Variants in EBF4 observed in about 807,000 individuals in gnomAD.
The protein encoded by EBF4 is transcription factor COE4.
A neutral mutation model predicts 67.1 loss-of-function variants in EBF4; 34 were observed. That is an observed-to-expected ratio of 0.51 (90% CI 0.39 to 0.67). The LOEUF is 0.67. EBF4 is among the 30% of genes least tolerant of loss of function. The pLI, the probability that EBF4 is intolerant of heterozygous loss-of-function variation, is 0.00. For synonymous variants in EBF4, 387 were observed against 377.7 expected (o/e 1.02, Z -0.29); for missense variants, 837 against 873.3 (o/e 0.96, Z 0.52).
At position 2,745,977 on chromosome 20, in the gene EBF4, A is replaced by C. The variant is rs1479750292; in HGVS notation, c.558-2572A>C. Among the ~76,000 whole-genome samples, 1 of 152,040 alleles carries C rather than the reference A, an allele frequency of 6.6e-6. No individual in the cohort carries two copies. Among genetic ancestry groups the C allele is most frequent in the Non-Finnish European group, 1.5e-5 (1 of 67,984 alleles). On this transcript the variant is annotated intron_variant, in intron 6 of 16. Transcript: ENST00000609451. The surrounding 1 kb of genome is among the most constrained non-coding windows in gnomAD (Gnocchi z 5.2). ...AGCCTTCAATCCCTTTAGGACAGAG[A>C]CCATGCCCCATCCTGGTGTTTTTCC...
chr20:2,742,179 G>A (rs759675559), intron 6 of EBF4, among the ~76,000 whole-genome samples: 6 of 152,136 alleles, frequency 3.9e-5, no homozygotes, highest in Non-Finnish European at 8.8e-5. Context: ...ATAAAGACCC[G>A]TTTTCATATC....
chr20:2,758,651 C>T (rs1371304040), intron 15 of EBF4, among the ~76,000 whole-genome samples: 1 of 152,128 alleles, frequency 6.6e-6, no homozygotes, highest in African/African-American at 2.4e-5. Flanking sequence ...TGAAGGAGGC[C>T]ACCCTGGGAG....
At position 2,749,534 on chromosome 20, in the gene EBF4, C is replaced by A. The variant is rs921143756; in HGVS notation, c.757+16C>A. ...CCCTCCGAAGGTCAGGACCCCCGGC[C>A]CAGCCCCGGCCGCCGCGGGCCCAGC... On this transcript the variant is annotated intron_variant, in intron 8 of 16. Coordinates refer to ENST00000609451, the Ensembl canonical transcript of EBF4. 68 of 1,541,254 alleles carry A rather than the reference C, an allele frequency of 4.4e-5. 1 individual carries two copies. The Admixed American group carries it at 1.4e-3, about 31-fold the overall frequency.
At chr20:2,752,542 G>C (rs993170190) in exon 14 of EBF4, 1 of 1,246,480 alleles carries the variant, frequency 8.0e-7, no homozygotes, top group South Asian at 3.4e-5. Context: ...CTCGCCCTTC[G>C]CCAGTGAGTG....
rs2087477288 is a variant in EBF4, at chr20:2,707,610, T to C, written c.415-337T>C. 6.6e-6 allele frequency among the ~76,000 whole-genome samples: 1 copy of C among 151,660 alleles called. No individual in the cohort carries two copies. Among genetic ancestry groups the C allele is most frequent in the Admixed American group, 6.6e-5 (1 of 15,238 alleles). ...GGGAGGGGAGGGGCCTGGTGCTGGG[T>C]GGGCACAGGAGTATGTCTACCCCAC... On this transcript the variant is annotated intron_variant, in intron 4 of 16. Transcript: ENST00000609451. The surrounding 1 kb of genome is among the most constrained non-coding windows in gnomAD (Gnocchi z 4.6).
chr20:2,746,149 G>A (rs1156655562), intron 6 of EBF4, among the ~76,000 whole-genome samples: 1 of 152,164 alleles, frequency 6.6e-6, no homozygotes, highest in African/African-American at 2.4e-5. Context: ...TGTGGGTGTA[G>A]TGTGTTTACA....
intron 6 of EBF4, among the ~76,000 whole-genome samples, chr20:2,718,089 G>A (rs182621782): frequency 2.1e-3 from 326 of 152,274 alleles, no homozygotes; most frequent in African/African-American, 7.4e-3. Flanking sequence ...AATTACAGGC[G>A]TGAGCCACCG....
chr20:2,758,255 C>T (rs574768639), intron 15 of EBF4, among the ~76,000 whole-genome samples: 6 of 152,302 alleles, frequency 3.9e-5, no homozygotes, highest in South Asian at 2.1e-4. Flanking sequence ...TAGCCAGTAG[C>T]GTGAAGTCAA....
chr20:2,726,776 T>G (rs2146436202), intron 6 of EBF4, among the ~76,000 whole-genome samples: 1 of 152,300 alleles, frequency 6.6e-6, no homozygotes, highest in Middle Eastern at 3.4e-3. Flanking sequence ...GTCATTTTTT[T>G]AGGTTGTGGT....
intron 6 of EBF4, among the ~76,000 whole-genome samples, chr20:2,727,646 C>G (rs574722292): frequency 3.6e-4 from 55 of 152,268 alleles, no homozygotes; most frequent in African/African-American, 1.3e-3. Context: ...TGAAGAACCA[C>G]CATACTGTTT....
intron 6 of EBF4, among the ~76,000 whole-genome samples, chr20:2,743,302 G>C (rs966473741): frequency 6.6e-6 from 1 of 152,174 alleles, no homozygotes; most frequent in Non-Finnish European, 1.5e-5. Context: ...AGCGGCACCC[G>C]GAGGGTCGGC....
intron 6 of EBF4, among the ~76,000 whole-genome samples, chr20:2,735,480 T>G (rs2087865307): frequency 6.6e-6 from 1 of 152,224 alleles, no homozygotes; most frequent in Admixed American, 6.5e-5. Flanking sequence ...TGTTGTTAAT[T>G]TTTAGAGTTC....
Position 2,693,665 on chromosome 20 carries a change from C to G in EBF4, c.20C>G (p.Ala7Gly), listed in dbSNP as rs1568562526. The change falls in exon 1 of 17, where the codon GCT becomes GGT. Residue 7 changes from alanine to glycine, a missense_variant. By Grantham distance (60) the Ala-to-Gly change is moderately conservative (BLOSUM62 0). This residue lies in a region of EBF4 where 86 missense variants were observed against 70.3 expected (regional missense o/e 1.22). Coordinates refer to ENST00000609451, the Ensembl canonical transcript of EBF4. The surrounding 1 kb of genome is among the most constrained non-coding windows in gnomAD (Gnocchi z 4.6). ...GCCCTCATGTTCCCTGCGCAGGACG[C>G]TCTGCCCCGCAGCGGGCTGAACCTG... The G allele has an allele frequency of 2.1e-6, 3 of 1,446,214 alleles. No individual in the cohort carries two copies. The highest frequency in any genetic ancestry group is 2.7e-5 in the Admixed American group (1 of 37,310). 89.6% of individuals were successfully genotyped at this position (1,446,214 alleles called of 1,614,324 possible). A position where few individuals can be genotyped will look rare whatever the true frequency, so the allele number is the denominator to read the frequency against.
chr20:2,699,825 C>T (rs1490283403), intron 1 of EBF4, among the ~76,000 whole-genome samples: 1 of 152,320 alleles, frequency 6.6e-6, no homozygotes, highest in Admixed American at 6.5e-5. Flanking sequence ...TAAACTGATA[C>T]CTGCCAAGCT....
rs968707929 is a variant in EBF4, at chr20:2,739,695, C to T, written c.558-8854C>T. Among the ~76,000 whole-genome samples, 5 of 152,340 alleles carry T rather than the reference C, an allele frequency of 3.3e-5. No individual in the cohort carries two copies. The highest frequency in any genetic ancestry group is 6.5e-5 in the Admixed American group (1 of 15,312). On this transcript the variant is annotated intron_variant, in intron 6 of 16. Coordinates refer to ENST00000609451, the Ensembl canonical transcript of EBF4. This position sits in a 1 kb window ranked among gnomAD's most constrained non-coding sequence, Gnocchi z 4.5. ...GGTAGAGAGAAGCAGACAGTGAACA[C>T]GCTGGAGAGCCAGAAACTGCTTCAG...
Position 2,739,695 on chromosome 20 carries a change from CGCTG to C in EBF4, c.558-8852_558-8849del, listed in dbSNP as rs1190325081. ...GGTAGAGAGAAGCAGACAGTGAACA[CGCTG>C]GAGAGCCAGAAACTGCTTCAGTTTC... On this transcript the variant is annotated intron_variant, in intron 6 of 16. Coordinates refer to ENST00000609451, the Ensembl canonical transcript of EBF4. This position sits in a 1 kb window ranked among gnomAD's most constrained non-coding sequence, Gnocchi z 4.5. Among the ~76,000 whole-genome samples the C allele has an allele frequency of 6.6e-6, 1 of 152,222 alleles. No homozygotes were observed. The highest frequency in any genetic ancestry group is 2.4e-5 in the African/African-American group (1 of 41,452).
At chr20:2,750,075 C>T in intron 10 of EBF4, 102 bp downstream of exon 10, 1 of 1,442,114 alleles carries the variant, frequency 6.9e-7, no homozygotes, top group South Asian at 1.4e-5. Flanking sequence ...CCGAGCTCTA[C>T]GCTGTGGCCA....
In EBF4 at chr20:2,756,830, C is replaced by A. The variant is rs78428654; in HGVS notation, c.1738+1006C>A. Among the ~76,000 whole-genome samples the A allele has an allele frequency of 6.6e-6, 1 of 152,182 alleles. No individual in the cohort carries two copies. Among genetic ancestry groups the A allele is most frequent in the African/African-American group, 2.4e-5 (1 of 41,438 alleles). On this transcript the variant is annotated intron_variant, in intron 15 of 16. Coordinates refer to ENST00000609451, the Ensembl canonical transcript of EBF4. The surrounding 1 kb of genome is among the most constrained non-coding windows in gnomAD (Gnocchi z 4.5). Reference sequence around the variant, plus strand: ...TAGGAAAGAATCAGTGTTGAAATTACGTAAGTGGCTACTGAAGAATTTGTC... The same window carrying A: ...TAGGAAAGAATCAGTGTTGAAATTAAGTAAGTGGCTACTGAAGAATTTGTC...
At chr20:2,712,274 G>A (rs2087554440) in intron 6 of EBF4, among the ~76,000 whole-genome samples, 1 of 152,210 alleles carries the variant, frequency 6.6e-6, no homozygotes, top group African/African-American at 2.4e-5. Flanking sequence ...TAGGAAGCCA[G>A]TACAATAGCC....
Sources: gnomAD v4.1 joint callset for allele counts (sites outside exome capture counted in the v4.1 genomes callset) on GRCh38, gnomAD v4.1.1 for gene constraint, gnomAD v4.1.1 regional missense constraint, Gnocchi (gnomAD v3.1) non-coding constraint, MANE v1.5 for transcripts, NCBI Gene and HGNC (gene_info 2026-07-23, HGNC 2026-07-21) for gene names.